Variants in CECR2 observed in about 807,000 individuals in gnomAD.
CECR2 encodes chromatin remodeling regulator CECR2.
CECR2 carries 30 observed loss-of-function variants against 154.5 expected under a neutral mutation model. The observed-to-expected ratio is 0.19, with a 90% confidence interval of 0.15 to 0.26. CECR2 has a LOEUF of 0.26. Ranked by LOEUF, CECR2 falls within the 10% of genes least tolerant of loss-of-function variation. The pLI is 1.00. For missense variants in CECR2, 1,743 were observed against 1,829.3 expected, an observed-to-expected ratio of 0.95 and a Z score of 0.86; for synonymous variants, 725 against 683.7, an observed-to-expected ratio of 1.06 and a Z score of -0.94.
chr22:17,515,205 G>A (rs1014697658), intron 8 of CECR2, among the ~76,000 whole-genome samples: 1 of 152,088 alleles, frequency 6.6e-6, no homozygotes, highest in Non-Finnish European at 1.5e-5. Flanking sequence ...AGAAATGTGA[G>A]GCAGACATAT....
chr22:17,484,096 G>C (rs2055377825), intron 2 of CECR2, among the ~76,000 whole-genome samples: 1 of 152,120 alleles, frequency 6.6e-6, no homozygotes, highest in Admixed American at 6.6e-5. Flanking sequence ...TACCATCTAG[G>C]TTTATGTAAA....
At chr22:17,419,533 A>G in intron 1 of CECR2, 1 of 192,740 alleles carries the variant, frequency 5.2e-6, no homozygotes, top group Non-Finnish European at 9.4e-6. Flanking sequence ...GAAGAAGAGG[A>G]AGAGGAAGAG....
intron 16 of CECR2, among the ~76,000 whole-genome samples, chr22:17,543,759 C>A (rs1332883577): frequency 6.6e-6 from 1 of 152,100 alleles, no homozygotes; most frequent in African/African-American, 2.4e-5. Context: ...AAGGTTTCAC[C>A]GTGTTGGCCA....
intron 10 of CECR2, 58 bp downstream of exon 10, chr22:17,537,290 T>A: frequency 6.3e-7 from 1 of 1,591,012 alleles, no homozygotes; most frequent in South Asian, 1.1e-5. Flanking sequence ...TATGAAGCAT[T>A]CAGGCACTTG....
chr22:17,529,562 TG>T (rs1310976261), intron 9 of CECR2, among the ~76,000 whole-genome samples: 7 of 151,576 alleles, frequency 4.6e-5, no homozygotes, highest in African/African-American at 1.7e-4. Context: ...TAGCCAGGCG[TG>T]GTGGCACATG....
chr22:17,455,637 C>CA (rs1176669970), intron 1 of CECR2, among the ~76,000 whole-genome samples: 1 of 152,194 alleles, frequency 6.6e-6, no homozygotes. Flanking sequence ...GTTTGTAAGA[C>CA]AGAGTCCCCT....
At chr22:17,536,846 C>T (rs1354941256) in intron 9 of CECR2, among the ~76,000 whole-genome samples, 1 of 152,156 alleles carries the variant, frequency 6.6e-6, no homozygotes, top group Non-Finnish European at 1.5e-5. Flanking sequence ...CCACCCTGTG[C>T]CTGCCCTGCC....
chr22:17,437,447 A>G (rs16982458), intron 1 of CECR2, among the ~76,000 whole-genome samples: 1 of 152,084 alleles, frequency 6.6e-6, no homozygotes, highest in South Asian at 2.1e-4. Flanking sequence ...CCTTTCATCT[A>G]CTTGCTGTGA....
At chr22:17,436,235 G>T (rs914057712) in intron 1 of CECR2, among the ~76,000 whole-genome samples, 25 of 152,164 alleles carry the variant, frequency 1.6e-4, no homozygotes, top group African/African-American at 6.0e-4. Context: ...TGGGATTGCA[G>T]GTGTGAGCCA....
chr22:17,518,616 C>A (rs905254818), intron 8 of CECR2: 10 of 411,770 alleles, frequency 2.4e-5, no homozygotes, highest in South Asian at 1.8e-4. Context: ...CGGATGGTTT[C>A]CCCATGGGCT....
chr22:17,546,212 G>T (rs2056611310), intron 16 of CECR2, among the ~76,000 whole-genome samples: 1 of 152,136 alleles, frequency 6.6e-6, no homozygotes, highest in African/African-American at 2.4e-5. Context: ...GTTTAGGCCG[G>T]CGCGATGGCT....
At chr22:17,476,424 G>C (rs2055209202) in intron 1 of CECR2, among the ~76,000 whole-genome samples, 1 of 151,816 alleles carries the variant, frequency 6.6e-6, no homozygotes, top group Admixed American at 6.6e-5. Context: ...ACCATGCCTG[G>C]CTAATTTTTG....
chr22:17,380,454 A>C (rs1022448647), intron 1 of CECR2, among the ~76,000 whole-genome samples: 1 of 152,152 alleles, frequency 6.6e-6, no homozygotes, highest in African/African-American at 2.4e-5. Flanking sequence ...TTCACACTGG[A>C]ATGGTCAGCT....
At position 17,546,192 on chromosome 22, in the gene CECR2, C is replaced by G. The variant is rs2056610736; in HGVS notation, c.2861-1956C>G. ...GTGAGTTCTGGAATTCAGAGCTTTA[C>G]AAGAATCCTGTTTAGGCCGGCGCGA... On this transcript the variant is annotated intron_variant, in intron 16 of 18. Transcript: ENST00000262608. 6.6e-5 allele frequency among the ~76,000 whole-genome samples: 10 copies of G among 152,102 alleles called. No homozygotes were observed. In the South Asian group the frequency reaches 2.1e-3, roughly 31 times the overall value.
chr22:17,431,534 A>C (rs2054422299), intron 1 of CECR2, among the ~76,000 whole-genome samples: 1 of 152,202 alleles, frequency 6.6e-6, no homozygotes, highest in Non-Finnish European at 1.5e-5. Context: ...CTATGGCATA[A>C]AATTATTTGC....
At chr22:17,373,643 C>T (rs986503379) in intron 1 of CECR2, among the ~76,000 whole-genome samples, 2 of 152,036 alleles carry the variant, frequency 1.3e-5, no homozygotes, top group African/African-American at 2.4e-5. Context: ...ATGAATGACA[C>T]TGAATTCAGT....
rs200166225 is a variant in CECR2 at position 17,542,187 on chromosome 22, C to A, written c.2044C>A (p.Pro682Thr). Residue 682 changes from proline to threonine, a missense_variant, in exon 16 of 19, where the codon CCC (proline) becomes ACC (threonine). Coordinates refer to ENST00000262608, the MANE Select transcript of CECR2 (RefSeq NM_001290047.2). ...PPVGINSLRGPRLGTPEEKQM... is the reference protein window; with the variant it reads ...PPVGINSLRGTRLGTPEEKQM... ...AGTTGGAATTAACAGCCTCCGAGGA[C>A]CCAGGCTAGGCACACCAGAGGAGAA... The A allele has an allele frequency of 3.8e-4, 615 of 1,612,134 alleles. 2 individuals carry two copies. The African/African-American group carries it at 5.5e-3, about 14-fold the overall frequency.
intron 1 of CECR2, among the ~76,000 whole-genome samples, chr22:17,377,432 T>A (rs1357039740): frequency 7.2e-6 from 1 of 139,246 alleles, no homozygotes; most frequent in African/African-American, 2.9e-5. Context: ...CTTACTTCAT[T>A]TTTTTTTTTT....
chr22:17,477,738 C>A lies in CECR2; in HGVS notation c.221+56C>A, dbSNP rs2055234143. 5.7e-6 allele frequency: 7 copies of A among 1,235,562 alleles called. No homozygotes were observed. In the Middle Eastern group the frequency reaches 7.5e-4, roughly 132 times the overall value. The allele number at this position is 1,235,562 out of a possible 1,614,324, so 76.5% of individuals were successfully genotyped here. ...TTGCGCCAAGAACTAATTAACCAAC[C>A]ATAGTGATGTTTCCTGTCTCCTGTG... On this transcript the variant is annotated intron_variant, in intron 2 of 18. Transcript: ENST00000262608.
Sources: gnomAD v4.1 joint callset for allele counts (sites outside exome capture counted in the v4.1 genomes callset) on GRCh38, gnomAD v4.1.1 for gene constraint, MANE v1.5 for transcripts, NCBI Gene and HGNC (gene_info 2026-07-23, HGNC 2026-07-21) for gene names.